SNX24: variants seen among roughly 807,000 people sequenced by gnomAD.
The protein encoded by SNX24 is sorting nexin-24.
A neutral mutation model predicts 28.7 loss-of-function variants in SNX24; 22 were observed. The observed-to-expected ratio is 0.77, with a 90% CI of 0.55 to 1.10. The LOEUF (loss-of-function observed/expected upper bound fraction) is 1.10, where lower values mean the gene tolerates loss of function less well. Ranked by LOEUF, SNX24 falls within the 50% of genes least tolerant of loss-of-function variation. The pLI is 0.00. For missense variants in SNX24, 221 were observed against 201.1 expected (o/e 1.10, Z -0.60); for synonymous variants, 69 against 71.5 (o/e 0.96, Z 0.18).
chr5:122,882,132 A>G (rs2150061773), intron 1 of SNX24, among the ~76,000 whole-genome samples: 1 of 152,152 alleles, frequency 6.6e-6, no homozygotes, highest in Admixed American at 6.5e-5. Context: ...TAAGTTTTTT[A>G]TAGAGACAGA....
intron 3 of SNX24, among the ~76,000 whole-genome samples, chr5:122,982,219 T>G (rs1761423301): frequency 6.6e-6 from 1 of 152,196 alleles, no homozygotes; most frequent in African/African-American, 2.4e-5. Flanking sequence ...TGCCAGTGCT[T>G]CCTGTGTGGA....
intron 3 of SNX24, among the ~76,000 whole-genome samples, chr5:122,973,260 G>A (rs949954517): frequency 1.3e-5 from 2 of 152,178 alleles, no homozygotes; most frequent in African/African-American, 4.8e-5. Flanking sequence ...GCTATAGCCC[G>A]TGAATCAGTA....
intron 1 of SNX24, among the ~76,000 whole-genome samples, chr5:122,889,677 GTA>G (rs772602796): frequency 7.1e-5 from 10 of 141,574 alleles, no homozygotes; most frequent in South Asian, 6.6e-4. Flanking sequence ...ATATATATGT[GTA>G]TATATATGTA....
At chr5:122,930,660 G>A (rs529142947) in intron 1 of SNX24, among the ~76,000 whole-genome samples, 1 of 152,028 alleles carries the variant, frequency 6.6e-6, no homozygotes, top group African/African-American at 2.4e-5. Context: ...TTTTGCTCTT[G>A]TTCTAATTTT....
chr5:123,007,150 T>C (rs1445147993), intron 6 of SNX24, among the ~76,000 whole-genome samples: 1 of 152,142 alleles, frequency 6.6e-6, no homozygotes, highest in Non-Finnish European at 1.5e-5. Context: ...CAGGATGGCT[T>C]CTGTTGGAAA....
chr5:122,995,976 A>G (rs1300368067), intron 3 of SNX24, among the ~76,000 whole-genome samples: 1 of 152,142 alleles, frequency 6.6e-6, no homozygotes, highest in African/African-American at 2.4e-5. Flanking sequence ...TACTTTCCTT[A>G]ATGTTTTGTT....
At chr5:122,952,617 G>A (rs1759999829) in intron 3 of SNX24, among the ~76,000 whole-genome samples, 1 of 152,184 alleles carries the variant, frequency 6.6e-6, no homozygotes, top group Admixed American at 6.5e-5. Context: ...AAGAAAACAA[G>A]TAGCATGAAC....
chr5:122,876,708 G>A (rs1289647235), intron 1 of SNX24, among the ~76,000 whole-genome samples: 1 of 152,122 alleles, frequency 6.6e-6, no homozygotes, highest in East Asian at 1.9e-4. Flanking sequence ...AATGCCCTAT[G>A]GTAATAGCTT....
intron 2 of SNX24, among the ~76,000 whole-genome samples, chr5:122,944,294 G>T (rs1190861976): frequency 6.6e-6 from 1 of 152,082 alleles, no homozygotes; most frequent in Non-Finnish European, 1.5e-5. Context: ...GTTGCTTTTT[G>T]TTAGGAAAGC....
intron 2 of SNX24, among the ~76,000 whole-genome samples, chr5:122,940,827 C>T (rs908332511): frequency 6.6e-6 from 1 of 152,212 alleles, no homozygotes; most frequent in East Asian, 1.9e-4. Flanking sequence ...CCTGCCTTGG[C>T]CTCCCAAAGT....
chr5:122,930,493 G>A (rs1179152454), intron 1 of SNX24, among the ~76,000 whole-genome samples: 1 of 152,140 alleles, frequency 6.6e-6, no homozygotes, highest in African/African-American at 2.4e-5. Flanking sequence ...TCTGCTTTTT[G>A]CTTCTGTATA....
chr5:122,847,992 A>T (rs1754718774), intron 1 of SNX24, among the ~76,000 whole-genome samples: 1 of 151,962 alleles, frequency 6.6e-6, no homozygotes, highest in Non-Finnish European at 1.5e-5. Flanking sequence ...ATAGCAGCTT[A>T]AAAAAAACCC....
chr5:122,956,389 C>G (rs1390583304), intron 3 of SNX24, among the ~76,000 whole-genome samples: 1 of 150,768 alleles, frequency 6.6e-6, no homozygotes, highest in Non-Finnish European at 1.5e-5. Context: ...CACACACACA[C>G]ACACACACAC....
At position 122,956,367 on chromosome 5, in the gene SNX24, TAC is replaced by T. The variant is rs9327282; in HGVS notation, c.249+10246_249+10247del. 4.0e-3 allele frequency among the ~76,000 whole-genome samples: 595 copies of T among 147,216 alleles called. 4 individuals carry two copies. The highest frequency in any genetic ancestry group is 6.0e-3 in the Non-Finnish European group (395 of 66,260). On this transcript the variant is annotated intron_variant, in intron 3 of 6. Transcript: ENST00000261369. ...AAACACTTGGGAAAAAAAAAATATA[TAC>T]ACACACACACACACACACACACACA...
rs1754587908 is a variant in SNX24, at chr5:122,845,708, C to T, written c.60+15C>T. ...GGGGATACACGGTAGGCGCGGGCCG[C>T]GGGCGGACAGGGCCCCGCGAGCCAG... On this transcript the variant is annotated intron_variant, in intron 1 of 6. Transcript: ENST00000261369. The T allele has an allele frequency of 2.2e-6, 3 of 1,367,760 alleles. No homozygotes were observed. Among genetic ancestry groups the T allele is most frequent in the Non-Finnish European group, 2.9e-6 (3 of 1,049,772 alleles). 84.7% of individuals were successfully genotyped at this position (1,367,760 alleles called of 1,614,324 possible). A position where few individuals can be genotyped will look rare whatever the true frequency, so the allele number is the denominator to read the frequency against.
intron 3 of SNX24, among the ~76,000 whole-genome samples, chr5:122,955,876 C>T (rs1324096185): frequency 6.6e-6 from 1 of 152,126 alleles, no homozygotes; most frequent in East Asian, 1.9e-4. Flanking sequence ...CTCATTACAG[C>T]CTTATAAGGG....
chr5:122,977,882 A>G (rs997220907), intron 3 of SNX24, among the ~76,000 whole-genome samples: 3 of 152,190 alleles, frequency 2.0e-5, no homozygotes, highest in Non-Finnish European at 4.4e-5. Flanking sequence ...CACAATCACC[A>G]TAAAATTTAG....
chr5:122,966,090 T>C (rs888577925), intron 3 of SNX24, among the ~76,000 whole-genome samples: 1 of 152,206 alleles, frequency 6.6e-6, no homozygotes, highest in Non-Finnish European at 1.5e-5. Flanking sequence ...ACTGTTTTTT[T>C]CCAAAATCTA....
At chr5:122,848,819 T>C (rs1368121721) in intron 1 of SNX24, among the ~76,000 whole-genome samples, 1 of 152,256 alleles carries the variant, frequency 6.6e-6, no homozygotes, top group African/African-American at 2.4e-5. Flanking sequence ...GCTTCTAGTC[T>C]CATTCCCCCA....
Sources: allele counts gnomAD v4.1 joint callset (sites outside exome capture counted in the v4.1 genomes callset), GRCh38; gene constraint gnomAD v4.1.1; transcripts MANE v1.5; gene names NCBI Gene and HGNC (gene_info 2026-07-23, HGNC 2026-07-21).